Variants in ACO2 observed in about 807,000 individuals in gnomAD.
ACO2 encodes aconitase 2, also known as aconitate hydratase, mitochondrial.
ACO2 carries 31 observed loss-of-function variants against 84.5 expected under a neutral mutation model. That is an observed-to-expected ratio of 0.37 (90% confidence interval 0.28 to 0.50). The LOEUF (loss-of-function observed/expected upper bound fraction) is 0.50, where lower values mean the gene tolerates loss of function less well. Among genes scored for constraint, ACO2 ranks in the 20% least tolerant of loss-of-function variants. The probability of loss-of-function intolerance (pLI) is 0.97; values close to 1 mark genes in which losing one functional copy is unlikely to be tolerated. For missense variants in ACO2, 685 were observed against 1,029.3 expected (o/e 0.67, Z 4.58); for synonymous variants, 414 against 412.7 (o/e 1.00, Z -0.04).
chr22:41,527,523 A>T, intron 16 of ACO2, 103 bp downstream of exon 16: 1 of 1,454,158 alleles, frequency 6.9e-7, no homozygotes, highest in Non-Finnish European at 9.2e-7. Flanking sequence ...GGCTGTGTCC[A>T]CTGCAGCCCA....
At chr22:41,508,160 G>A in intron 3 of ACO2, 111 bp downstream of exon 3, 1 of 1,356,048 alleles carries the variant, frequency 7.4e-7, no homozygotes, top group Non-Finnish European at 1.0e-6. Flanking sequence ...ACACCTCTTT[G>A]GATTGGTCTG....
intron 12 of ACO2, among the ~76,000 whole-genome samples, chr22:41,524,204 T>C (rs913099350): frequency 1.3e-5 from 2 of 152,224 alleles, no homozygotes; most frequent in East Asian, 1.9e-4. Flanking sequence ...ATCCCAGCCC[T>C]GCCTCTAACT....
At position 41,503,054 on chromosome 22, in the gene ACO2, G is replaced by T. The variant is rs764226724; in HGVS notation, c.173+3192G>T. On this transcript the variant is annotated intron_variant, in intron 2 of 17. Transcript: ENST00000216254. ...AGCCACTGTGCCCAGCAAGAGGTTCGCTTTGAGATAACTTGACAACAGAGT... is the reference window on the plus strand; with the variant it reads ...AGCCACTGTGCCCAGCAAGAGGTTCTCTTTGAGATAACTTGACAACAGAGT... Among the ~76,000 whole-genome samples, 15 of 152,272 alleles carry T rather than the reference G, an allele frequency of 9.9e-5. No individual in the cohort carries two copies. In the Middle Eastern group the frequency reaches 0.01, roughly 104 times the overall value.
intron 2 of ACO2, among the ~76,000 whole-genome samples, chr22:41,501,359 A>G (rs1485686689): frequency 6.6e-6 from 1 of 152,112 alleles, no homozygotes; most frequent in Non-Finnish European, 1.5e-5. Context: ...ACTTGGTAAA[A>G]TGGCAGTCAG....
At chr22:41,518,425 C>G in intron 7 of ACO2, 56 bp from the exon 8 acceptor site, 1 of 1,398,236 alleles carries the variant, frequency 7.2e-7, no homozygotes, top group African/African-American at 1.4e-5. Flanking sequence ...GGTGAGTGAA[C>G]TCTCAAGAAC....
intron 14 of ACO2, 127 bp downstream of exon 14, chr22:41,525,475 G>C: frequency 8.1e-7 from 1 of 1,232,676 alleles, no homozygotes; most frequent in South Asian, 1.4e-5. Context: ...ATGGAAGGGA[G>C]GTTTGGCTGC....
intron 14 of ACO2, 73 bp from the exon 15 acceptor site, chr22:41,526,188 TG>T: frequency 7.0e-7 from 1 of 1,427,666 alleles, no homozygotes; most frequent in Middle Eastern, 2.6e-4. Flanking sequence ...GCCTGCTGCC[TG>T]CCTCTGGAGG....
intron 1 of ACO2, among the ~76,000 whole-genome samples, chr22:41,498,689 A>G (rs2066332725): frequency 6.6e-6 from 1 of 152,256 alleles, no homozygotes; most frequent in Admixed American, 6.5e-5. Flanking sequence ...GAGCAATCCA[A>G]GAGAGAGAGC....
intron 15 of ACO2, 183 bp from the exon 16 acceptor site, chr22:41,527,105 G>C (rs2066615973): frequency 1.2e-6 from 1 of 832,350 alleles, no homozygotes; most frequent in Admixed American, 2.8e-5. Context: ...GGCCTCGTTT[G>C]GGTCTCATTC....
intron 1 of ACO2, among the ~76,000 whole-genome samples, chr22:41,480,182 G>C (rs941728125): frequency 1.3e-5 from 2 of 152,226 alleles, no homozygotes; most frequent in South Asian, 4.1e-4. Context: ...CCTTAGGAGG[G>C]TGTGGACTGA....
In ACO2 at chr22:41,518,584, A is replaced by G. The variant is rs2066494372; in HGVS notation, c.1032+12A>G. On this transcript the variant is annotated intron_variant, in intron 8 of 17. Transcript: ENST00000216254. The stretch of plus-strand genomic sequence containing the variant: ...TTAACCTCAGTGAGGTGAGGAGACA[A>G]TTAACTGGGTTCAAGAAGTTTCTGA... 1 of 1,603,578 alleles carries G rather than the reference A, an allele frequency of 6.2e-7. No individual in the cohort carries two copies. The highest frequency in any genetic ancestry group is 1.3e-5 in the African/African-American group (1 of 74,712).
At position 41,522,847 on chromosome 22, in the gene ACO2, A is replaced by C; in HGVS notation, c.1156A>C (p.Thr386Pro). The C allele has an allele frequency of 6.2e-7, 1 of 1,614,208 alleles. No individual in the cohort carries two copies. Among genetic ancestry groups the C allele is most frequent in the Non-Finnish European group, 8.5e-7 (1 of 1,180,042 alleles). The change falls in exon 10 of 18, where the codon ACC becomes CCC. Residue 386 changes from threonine to proline, a missense_variant. This residue lies in a region of ACO2 where 311 missense variants were observed against 441.6 expected (regional missense o/e 0.70). Transcript: ENST00000216254. ...DIRVGLIGSC[T>P]NSSYEDMGRS... ...TGCACCAGGTCTAATTGGTAGCTGC[A>C]CCAATTCAAGCTATGAAGATATGGG...
At chr22:41,491,756 T>C (rs922363642) in intron 1 of ACO2, among the ~76,000 whole-genome samples, 60 of 152,236 alleles carry the variant, frequency 3.9e-4, no homozygotes, top group African/African-American at 1.4e-3. Flanking sequence ...TTTATGTAGA[T>C]GATTTCATTT....
rs760020056 is a variant in ACO2, at chr22:41,527,417, C to T, written c.2083C>T (p.His695Tyr). 1 of 1,610,368 alleles carries T rather than the reference C, an allele frequency of 6.2e-7. No individual in the cohort carries two copies. The highest frequency in any genetic ancestry group is 8.5e-7 in the Non-Finnish European group (1 of 1,178,714). The change falls in exon 16 of 18, where the codon CAC becomes TAC. Residue 695 changes from histidine (H) to tyrosine (Y), a missense_variant. Around this residue, in one of 5 missense-constraint regions of ACO2, gnomAD observed 174 missense variants for 236.6 expected, o/e 0.74. Coordinates refer to ENST00000216254, the MANE Select transcript of ACO2 (RefSeq NM_001098.3). ...CATCACCAAGAGCTTTGCCAGGATC[C>T]ACGGTGAGCTGGAGTCTGTACCCAG... The part of the protein sequence containing the change: ...AIITKSFARI[H>Y]ETNLKKQGLL...
chr22:41,507,982 C>G lies in ACO2; in HGVS notation c.365C>G (p.Ser122Cys). 1 of 1,614,228 alleles carries G rather than the reference C, an allele frequency of 6.2e-7. No individual in the cohort carries two copies. The highest frequency in any genetic ancestry group is 8.5e-7 in the Non-Finnish European group (1 of 1,180,030). Residue 122 changes from serine (S) to cysteine (C), a missense_variant, in exon 3 of 18, where the codon TCC (serine) becomes TGC (cysteine). Physicochemically the swap from Ser to Cys is moderately radical, Grantham distance 112 (BLOSUM62 -1). This residue lies in a region of ACO2 where 92 missense variants were observed against 203.7 expected (regional missense o/e 0.45). Transcript: ENST00000216254. ...SSGLSKVAVP[S>C]TIHCDHLIEA... ...GGGCTGTCCAAGGTGGCTGTGCCAT[C>G]CACCATCCACTGTGACCATCTGATT...
At chr22:41,492,885 A>G (rs1425016905) in intron 1 of ACO2, among the ~76,000 whole-genome samples, 1 of 152,210 alleles carries the variant, frequency 6.6e-6, no homozygotes, top group African/African-American at 2.4e-5. Flanking sequence ...CGGAGGTTGC[A>G]GTGAGACGAG....
intron 1 of ACO2, among the ~76,000 whole-genome samples, chr22:41,494,863 A>T (rs1273170404): frequency 6.6e-6 from 1 of 151,404 alleles, no homozygotes; most frequent in Non-Finnish European, 1.5e-5. Flanking sequence ...CCTCCCGAGT[A>T]GCTGGGATTA....
Position 41,517,510 on chromosome 22 carries a change from G to A in ACO2, c.836-17G>A. 6.2e-7 allele frequency: 1 copy of A among 1,611,432 alleles called. No individual in the cohort carries two copies. Among genetic ancestry groups the A allele is most frequent in the African/African-American group, 1.3e-5 (1 of 75,026 alleles). On this transcript the variant is annotated splice_polypyrimidine_tract_variant and intron_variant, in intron 6 of 17. Transcript: ENST00000216254. ...GCCCGGCCACCAGCCAATGCCCGGG[G>A]CTCTGTTGCTCCACAGGCATGGCGA...
At chr22:41,492,812 C>T (rs1173420736) in intron 1 of ACO2, among the ~76,000 whole-genome samples, 2 of 151,922 alleles carry the variant, frequency 1.3e-5, no homozygotes, top group Non-Finnish European at 1.5e-5. Flanking sequence ...GGCGTCATGG[C>T]AGGCGCCTGT....
Sources: gnomAD v4.1 joint callset for allele counts (sites outside exome capture counted in the v4.1 genomes callset) on GRCh38, gnomAD v4.1.1 for gene constraint, gnomAD v4.1.1 regional missense constraint, MANE v1.5 for transcripts, NCBI Gene and HGNC (gene_info 2026-07-23, HGNC 2026-07-21) for gene names.